Variants in LRBA observed in about 807,000 individuals in gnomAD.
LRBA encodes the protein LPS responsive beige-like anchor protein, also known as lipopolysaccharide-responsive and beige-like anchor protein.
A neutral mutation model predicts 330.0 loss-of-function variants in LRBA; 176 were observed. The observed-to-expected ratio is 0.53, with a 90% CI of 0.47 to 0.60. The LOEUF (loss-of-function observed/expected upper bound fraction) is 0.60. Among genes scored for constraint, LRBA ranks in the 20% least tolerant of loss-of-function variants. LRBA has a pLI of 0.00. For synonymous variants in LRBA, 1,230 were observed against 1,193.0 expected (o/e 1.03, Z -0.64); for missense variants, 3,259 against 3,444.8 (o/e 0.95, Z 1.35).
chr4:150,537,417 C>A (rs1764779186), intron 40 of LRBA, among the ~76,000 whole-genome samples: 1 of 152,070 alleles, frequency 6.6e-6, no homozygotes, highest in African/African-American at 2.4e-5. Flanking sequence ...TTGGCCTTGG[C>A]AAAGAACTTA....
At chr4:150,749,175 A>G (rs1310707216) in intron 35 of LRBA, among the ~76,000 whole-genome samples, 2 of 152,158 alleles carry the variant, frequency 1.3e-5, no homozygotes, top group Non-Finnish European at 2.9e-5. Flanking sequence ...AAGAAAACAT[A>G]AGGAAAAGCT....
At chr4:150,342,730 T>C (rs1375353539) in intron 48 of LRBA, among the ~76,000 whole-genome samples, 1 of 152,190 alleles carries the variant, frequency 6.6e-6, no homozygotes, top group African/African-American at 2.4e-5. Flanking sequence ...TCAAGAAGAA[T>C]GGCGCTTTTC....
intron 47 of LRBA, among the ~76,000 whole-genome samples, chr4:150,389,370 T>C (rs11728828): frequency 0.36 from 54,315 of 150,458 alleles, 11,681 homozygotes; most frequent in South Asian, 0.51. Context: ...AATAAATAAA[T>C]AAATAAATAA....
intron 13 of LRBA, among the ~76,000 whole-genome samples, chr4:150,903,965 A>C (rs1939289292): frequency 6.6e-6 from 1 of 152,184 alleles, no homozygotes; most frequent in Non-Finnish European, 1.5e-5. Flanking sequence ...GTAGTCACTC[A>C]ACAAATATTT....
In LRBA at chr4:150,916,518, G is replaced by A. The variant is rs1348456481; in HGVS notation, c.777C>T (p.Thr259=). The change falls in exon 7 of 57, where the codon ACC becomes ACT. Residue 259 remains threonine (T), a synonymous_variant. Coordinates refer to ENST00000651943, the MANE Select transcript of LRBA (RefSeq NM_001364905.1). Reference sequence around the variant, plus strand: ...GAGCAGAATAGCCAAGACCTTTGCTGGTTCTGAAACTATAAAGAATAGTTT... The same window carrying A: ...GAGCAGAATAGCCAAGACCTTTGCTAGTTCTGAAACTATAAAGAATAGTTT... ...KDKPYLYCFR[T]SKGLGYSAHF... is the part of the protein sequence containing the mutation. 1.9e-6 allele frequency: 3 copies of A among 1,612,920 alleles called. No individual in the cohort carries two copies. In the African/African-American group the frequency reaches 4.0e-5, roughly 22 times the overall value.
chr4:150,917,842 T>C (rs1283020278), intron 5 of LRBA, among the ~76,000 whole-genome samples: 2 of 151,910 alleles, frequency 1.3e-5, no homozygotes, highest in African/African-American at 4.8e-5. Flanking sequence ...GGCAGGAGAA[T>C]TGCTTGAACC....
intron 37 of LRBA, among the ~76,000 whole-genome samples, chr4:150,664,376 T>C (rs1781387142): frequency 6.6e-6 from 1 of 152,208 alleles, no homozygotes; most frequent in Non-Finnish European, 1.5e-5. Context: ...CTTGACATAT[T>C]ATCGAAAACA....
chr4:150,605,771 T>A (rs1774559455), intron 37 of LRBA, among the ~76,000 whole-genome samples: 1 of 152,082 alleles, frequency 6.6e-6, no homozygotes, highest in African/African-American at 2.4e-5. Context: ...AACTGAAATC[T>A]ATGGTGCCTT....
At chr4:150,725,369 C>T (rs1374538559) in intron 36 of LRBA, among the ~76,000 whole-genome samples, 1 of 152,130 alleles carries the variant, frequency 6.6e-6, no homozygotes, top group African/African-American at 2.4e-5. Context: ...TACAATGGTG[C>T]TTCAATACAT....
chr4:150,926,888 CTG>C (rs1733935047), intron 4 of LRBA, among the ~76,000 whole-genome samples: 1 of 150,822 alleles, frequency 6.6e-6, no homozygotes, highest in Non-Finnish European at 1.5e-5. Flanking sequence ...CTGACCAACA[CTG>C]TGAAACCCTG....
Position 150,893,077 on chromosome 4 carries a change from C to A in LRBA, c.2140G>T (p.Ala714Ser), listed in dbSNP as rs1272698392. 2 of 1,610,254 alleles carry A rather than the reference C, an allele frequency of 1.2e-6. No homozygotes were observed. The highest frequency in any genetic ancestry group is 2.7e-5 in the African/African-American group (2 of 74,816). The change falls in exon 17 of 57, where the codon GCT becomes TCT. Residue 714 changes from alanine (A) to serine (S), a missense_variant. Transcript: ENST00000651943. ...CGTAACCCATTCCTTTGGTCAAAAGCAGGAATCATAGAGTTAGGGTGTTCT... is the reference window on the plus strand; with the variant it reads ...CGTAACCCATTCCTTTGGTCAAAAGAAGGAATCATAGAGTTAGGGTGTTCT... ...MSEHPNSMIPAFDQRNGLRVI... is the reference protein window; with the variant it reads ...MSEHPNSMIPSFDQRNGLRVI...
intron 2 of LRBA, among the ~76,000 whole-genome samples, chr4:150,990,654 TGAGCCCAG>T (rs1741970113): frequency 6.6e-6 from 1 of 152,174 alleles, no homozygotes; most frequent in Non-Finnish European, 1.5e-5. Context: ...GAGGATCACT[TGAGCCCAG>T]GAGGTTGAGG....
chr4:150,984,514 A>C (rs974851027), intron 2 of LRBA, among the ~76,000 whole-genome samples: 1 of 152,212 alleles, frequency 6.6e-6, no homozygotes, highest in African/African-American at 2.4e-5. Flanking sequence ...CGTCTCAAAA[A>C]AAAAAAGAAC....
At chr4:150,516,347 A>G (rs1762361888) in intron 40 of LRBA, among the ~76,000 whole-genome samples, 1 of 148,332 alleles carries the variant, frequency 6.7e-6, no homozygotes, top group African/African-American at 2.5e-5. Flanking sequence ...GCACACAGTT[A>G]CCTTTCTATT....
At chr4:150,697,323 C>CGGAAAAAA (rs1784711816) in intron 36 of LRBA, among the ~76,000 whole-genome samples, 1 of 1,484 alleles carries the variant, frequency 6.7e-4, no homozygotes, top group Non-Finnish European at 5.9e-3. Flanking sequence ...GACTTTGTCT[C>CGGAAAAAA]AGAAAAAAAA....
chr4:150,960,281 A>T (rs1332810013), intron 2 of LRBA, among the ~76,000 whole-genome samples: 30 of 148,948 alleles, frequency 2.0e-4, no homozygotes, highest in Admixed American at 2.0e-3. Context: ...AGCACCACCT[A>T]GAGTCTAGCC....
chr4:150,298,201 C>T (rs1482127791), intron 53 of LRBA, among the ~76,000 whole-genome samples: 2 of 152,056 alleles, frequency 1.3e-5, no homozygotes, highest in African/African-American at 2.4e-5. Context: ...GACATAATTC[C>T]TAAATATGTG....
At chr4:150,372,431 G>A (rs897285557) in intron 47 of LRBA, among the ~76,000 whole-genome samples, 2 of 151,388 alleles carry the variant, frequency 1.3e-5, no homozygotes, top group Non-Finnish European at 2.9e-5. Flanking sequence ...GCAACATGGC[G>A]AAACACCCTC....
chr4:150,321,840 T>C lies in LRBA; in HGVS notation c.7453-472A>G, dbSNP rs184914341. On this transcript the variant is annotated intron_variant, in intron 49 of 56. Coordinates refer to ENST00000651943, the MANE Select transcript of LRBA (RefSeq NM_001364905.1). The surrounding 1 kb of genome is among the most constrained non-coding windows in gnomAD (Gnocchi z 4.5). ...TTTCCAAAGATCATCAAAAGTTGTG[T>C]TGAGTTAGCAGGAAGATTTTGACAA... 2.0e-4 allele frequency among the ~76,000 whole-genome samples: 30 copies of C among 152,256 alleles called. No homozygotes were observed. Among genetic ancestry groups the C allele is most frequent in the Admixed American group, 1.8e-3 (28 of 15,294 alleles).
Sources: gnomAD v4.1 joint callset for allele counts (sites outside exome capture counted in the v4.1 genomes callset) on GRCh38, gnomAD v4.1.1 for gene constraint, Gnocchi (gnomAD v3.1) non-coding constraint, MANE v1.5 for transcripts, NCBI Gene and HGNC (gene_info 2026-07-23, HGNC 2026-07-21) for gene names.